TNS3: variants seen among roughly 807,000 people sequenced by gnomAD.
The protein encoded by TNS3 is tensin 3.
TNS3 carries 45 observed loss-of-function variants against 140.9 expected under a neutral mutation model. The observed-to-expected ratio is 0.32, with a 90% confidence interval of 0.25 to 0.41. TNS3 has a LOEUF of 0.41. TNS3 is among the 10% of genes least tolerant of loss of function. TNS3 has a pLI of 1.00. For synonymous variants in TNS3, 815 were observed against 788.4 expected, an observed-to-expected ratio of 1.03 and a Z score of -0.56; for missense variants, 1,716 against 1,906.7, an observed-to-expected ratio of 0.90 and a Z score of 1.86.
intron 2 of TNS3, among the ~76,000 whole-genome samples, chr7:47,528,144 C>T (rs950294716): frequency 6.6e-6 from 1 of 152,138 alleles, no homozygotes; most frequent in African/African-American, 2.4e-5. Context: ...AGTCTTCTCA[C>T]CCACACTCAG....
chr7:47,462,843 C>T (rs565463664), intron 4 of TNS3, among the ~76,000 whole-genome samples: 3 of 152,292 alleles, frequency 2.0e-5, no homozygotes, highest in South Asian at 2.1e-4. Flanking sequence ...CCTGCCTCTC[C>T]GGTTTGTAAG....
In TNS3 at chr7:47,581,135, C is replaced by T. The variant is rs535056091; in HGVS notation, c.-265+916G>A. 1.2e-4 allele frequency among the ~76,000 whole-genome samples: 19 copies of T among 152,162 alleles called. No individual in the cohort carries two copies. In the East Asian group the frequency reaches 2.7e-3, roughly 22 times the overall value. ...TGCCTGAGGAACGCCTGAATCTCTT[C>T]CCGCCACAGACACTCAAATCACTCC... On this transcript the variant is annotated intron_variant, in intron 1 of 30. Transcript: ENST00000311160.
At chr7:47,418,555 G>C (rs1794206187) in intron 10 of TNS3, among the ~76,000 whole-genome samples, 2 of 152,178 alleles carry the variant, frequency 1.3e-5, no homozygotes. Context: ...TTAGAAACCA[G>C]ATACTTTATA....
At chr7:47,490,159 A>C (rs879784249) in intron 3 of TNS3, among the ~76,000 whole-genome samples, 1 of 152,236 alleles carries the variant, frequency 6.6e-6, no homozygotes, top group Non-Finnish European at 1.5e-5. Flanking sequence ...CCAAGATTTA[A>C]CTGCATCCAC....
intron 3 of TNS3, among the ~76,000 whole-genome samples, chr7:47,495,268 C>A (rs572363972): frequency 1.2e-3 from 185 of 152,008 alleles, no homozygotes; most frequent in African/African-American, 4.1e-3. Context: ...GGCATGAAGG[C>A]GCATGCACAG....
chr7:47,402,084 G>A (rs1034712174), intron 13 of TNS3, among the ~76,000 whole-genome samples: 18 of 152,198 alleles, frequency 1.2e-4, no homozygotes, highest in African/African-American at 4.3e-4. Flanking sequence ...GGAGAATTCT[G>A]CAGGGAGGGT....
At chr7:47,562,784 T>C (rs923257116) in intron 1 of TNS3, among the ~76,000 whole-genome samples, 2 of 152,232 alleles carry the variant, frequency 1.3e-5, no homozygotes, top group Admixed American at 6.5e-5. Flanking sequence ...GGAATTCTTT[T>C]TGGTGGAATT....
At position 47,407,497 on chromosome 7, in the gene TNS3, C is replaced by A. The variant is rs535515985; in HGVS notation, c.723+4230G>T. 6.6e-6 allele frequency among the ~76,000 whole-genome samples: 1 copy of A among 152,304 alleles called. No homozygotes were observed. Among genetic ancestry groups the A allele is most frequent in the South Asian group, 2.1e-4 (1 of 4,816 alleles). On this transcript the variant is annotated intron_variant, in intron 13 of 30. Transcript: ENST00000311160. The surrounding 1 kb of genome is among the most constrained non-coding windows in gnomAD (Gnocchi z 4.1). ...CTCAGGATAAAGGCTGGTGACAAACCACAGCCACAGGGACTGGGCCGTCAA... is the reference window on the plus strand; with the variant it reads ...CTCAGGATAAAGGCTGGTGACAAACAACAGCCACAGGGACTGGGCCGTCAA...
intron 17 of TNS3, among the ~76,000 whole-genome samples, chr7:47,367,257 C>T (rs1173274391): frequency 6.6e-6 from 1 of 152,200 alleles, no homozygotes; most frequent in African/African-American, 2.4e-5. Flanking sequence ...CCCACACAGT[C>T]CCCTACCTGA....
At chr7:47,428,502 AC>A in intron 8 of TNS3, 126 bp from the exon 9 acceptor site, 1 of 611,272 alleles carries the variant, frequency 1.6e-6, no homozygotes, top group Non-Finnish European at 2.5e-6. Flanking sequence ...GGCCAGCATT[AC>A]CCACAGCCTT....
chr7:47,439,396 A>C, intron 6 of TNS3, 91 bp downstream of exon 6: 1 of 1,410,772 alleles, frequency 7.1e-7, no homozygotes, highest in East Asian at 2.4e-5. Flanking sequence ...CTTCTCCCTC[A>C]TGTGTAAACC....
At chr7:47,537,821 C>G (rs1014894333) in intron 1 of TNS3, among the ~76,000 whole-genome samples, 2 of 152,060 alleles carry the variant, frequency 1.3e-5, no homozygotes, top group African/African-American at 4.8e-5. Context: ...TACTAAAAAA[C>G]TAGGAGCCTG....
At chr7:47,327,047 C>T (rs1238840413) in intron 20 of TNS3, among the ~76,000 whole-genome samples, 1 of 152,198 alleles carries the variant, frequency 6.6e-6, no homozygotes, top group Non-Finnish European at 1.5e-5. Flanking sequence ...AGGCCAGCCA[C>T]GCAGAGGAGG....
intron 30 of TNS3, chr7:47,279,305 A>T (rs1785020557): frequency 6.6e-6 from 1 of 152,292 alleles, no homozygotes. Flanking sequence ...GGAGGTTAGG[A>T]TGAGGTCCCT....
rs1341259556 is a variant in TNS3 at position 47,481,128 on chromosome 7, C to T, written c.-101G>A. The T allele has an allele frequency of 2.3e-6, 3 of 1,289,790 alleles. No individual in the cohort carries two copies. The Admixed American group carries it at 6.9e-5, about 30-fold the overall frequency. 79.9% of individuals were successfully genotyped at this position (1,289,790 alleles called of 1,614,324 possible). A position where few individuals can be genotyped will look rare whatever the true frequency, so the allele number is the denominator to read the frequency against. ...CTGTTCCAGTCGGACTTGCACACCGCAGGGAATCACCACCTTTCAAAGAGA... is the reference window on the plus strand; with the variant it reads ...CTGTTCCAGTCGGACTTGCACACCGTAGGGAATCACCACCTTTCAAAGAGA... On this transcript the variant is annotated 5_prime_UTR_variant, in exon 4 of 31. Coordinates refer to ENST00000311160, the MANE Select transcript of TNS3 (RefSeq NM_022748.12).
chr7:47,461,810 A>G (rs1796502637), intron 4 of TNS3, among the ~76,000 whole-genome samples: 1 of 152,268 alleles, frequency 6.6e-6, no homozygotes, highest in Non-Finnish European at 1.5e-5. Context: ...AGTTTTTGAG[A>G]GCCTTGCGTG....
intron 2 of TNS3, among the ~76,000 whole-genome samples, chr7:47,512,041 C>T (rs1021878249): frequency 6.6e-6 from 1 of 152,224 alleles, no homozygotes; most frequent in Admixed American, 6.5e-5. Context: ...CTCCGTTGCA[C>T]GAACAGCAAA....
chr7:47,295,449 T>C lies in TNS3; in HGVS notation c.3677-1621A>G, dbSNP rs1562768172. 2.6e-5 allele frequency among the ~76,000 whole-genome samples: 4 copies of C among 152,318 alleles called. 1 individual carries two copies. The South Asian group carries it at 8.3e-4, about 32-fold the overall frequency. ...ACCCTCTTTCCTGCCATCATCATTATTCAGTTTCAGTCCTCAACAATCAGG... is the reference window on the plus strand; with the variant it reads ...ACCCTCTTTCCTGCCATCATCATTACTCAGTTTCAGTCCTCAACAATCAGG... On this transcript the variant is annotated intron_variant, in intron 24 of 30. Transcript: ENST00000311160.
intron 17 of TNS3, among the ~76,000 whole-genome samples, chr7:47,354,206 G>A (rs139536901): frequency 4.6e-5 from 7 of 152,172 alleles, no homozygotes; most frequent in Non-Finnish European, 1.0e-4. Context: ...TCCAGGAAAA[G>A]AGAAGAAAAA....
Sources: gnomAD v4.1 joint callset for allele counts (sites outside exome capture counted in the v4.1 genomes callset) on GRCh38, gnomAD v4.1.1 for gene constraint, Gnocchi (gnomAD v3.1) non-coding constraint, MANE v1.5 for transcripts, NCBI Gene and HGNC (gene_info 2026-07-23, HGNC 2026-07-21) for gene names.